Variants in CDH18 observed in about 807,000 individuals in gnomAD.
CDH18 encodes the protein cadherin 18.
Under a neutral mutation model 67.9 loss-of-function variants are expected in CDH18, and 31 were observed. The observed-to-expected ratio is 0.46, with a 90% CI of 0.34 to 0.62. The LOEUF is 0.62. CDH18 is among the 20% of genes least tolerant of loss of function. CDH18 has a pLI of 0.01. For synonymous variants in CDH18, 362 were observed against 347.2 expected (o/e 1.04, Z -0.48); for missense variants, 890 against 975.5 (o/e 0.91, Z 1.17).
At chr5:20,412,656 A>T (rs1432996436) in intron 1 of CDH18, among the ~76,000 whole-genome samples, 2 of 152,172 alleles carry the variant, frequency 1.3e-5, no homozygotes, top group Non-Finnish European at 2.9e-5. Context: ...ACAACAAAAA[A>T]TTGTATTAAA....
chr5:20,282,241 C>T (rs1746338681), intron 1 of CDH18, among the ~76,000 whole-genome samples: 1 of 152,126 alleles, frequency 6.6e-6, no homozygotes, highest in Non-Finnish European at 1.5e-5. Context: ...CCAGAACTTC[C>T]AACACTATGT....
chr5:20,360,609 T>C (rs1220257975), intron 1 of CDH18, among the ~76,000 whole-genome samples: 2 of 152,162 alleles, frequency 1.3e-5, no homozygotes, highest in African/African-American at 4.8e-5. Flanking sequence ...ATCCAAGCAA[T>C]AGCCTAAAGC....
At chr5:19,509,518 A>G (rs947259101) in intron 10 of CDH18, among the ~76,000 whole-genome samples, 1 of 152,196 alleles carries the variant, frequency 6.6e-6, no homozygotes, top group African/African-American at 2.4e-5. Context: ...TAGTATCTGC[A>G]TACATTTATT....
intron 6 of CDH18, among the ~76,000 whole-genome samples, chr5:19,610,170 G>A (rs550327886): frequency 4.6e-5 from 7 of 152,054 alleles, no homozygotes; most frequent in African/African-American, 1.7e-4. Flanking sequence ...AATGCAGCAG[G>A]ATTTACATCT....
chr5:19,968,205 T>C (rs1797656418), intron 2 of CDH18, among the ~76,000 whole-genome samples: 1 of 152,004 alleles, frequency 6.6e-6, no homozygotes, highest in Non-Finnish European at 1.5e-5. Flanking sequence ...CACAAACAAA[T>C]GGAAAAACAT....
chr5:19,481,793 C>T (rs572695081), intron 12 of CDH18, among the ~76,000 whole-genome samples: 42 of 152,152 alleles, frequency 2.8e-4, no homozygotes, highest in Non-Finnish European at 5.3e-4. Context: ...ACCTCTTTCT[C>T]AGAAAAACAG....
intron 5 of CDH18, among the ~76,000 whole-genome samples, chr5:19,698,925 T>G (rs2150463751): frequency 6.6e-6 from 1 of 152,218 alleles, no homozygotes; most frequent in African/African-American, 2.4e-5. Context: ...TAAGTATTTC[T>G]TAGGATGTTT....
intron 3 of CDH18, among the ~76,000 whole-genome samples, chr5:19,835,339 GA>G (rs1781499530): frequency 1.3e-5 from 2 of 151,966 alleles, no homozygotes; most frequent in African/African-American, 2.4e-5. Context: ...TGGACACAGA[GA>G]GGGAAAAAAC....
intron 2 of CDH18, among the ~76,000 whole-genome samples, chr5:20,077,276 C>A (rs905373753): frequency 7.9e-5 from 12 of 152,186 alleles, no homozygotes; most frequent in African/African-American, 2.9e-4. Flanking sequence ...CTTTTATAAA[C>A]CTTGGCGTAT....
intron 11 of CDH18, among the ~76,000 whole-genome samples, chr5:19,491,711 A>C (rs2126672195): frequency 6.6e-6 from 1 of 152,244 alleles, no homozygotes; most frequent in Admixed American, 6.5e-5. Context: ...CACAAGAAAA[A>C]AAGTTTTCCT....
chr5:20,425,649 G>C (rs1031764319), intron 1 of CDH18, among the ~76,000 whole-genome samples: 5 of 150,886 alleles, frequency 3.3e-5, no homozygotes, highest in African/African-American at 1.2e-4. Context: ...TGCTTTTGGT[G>C]TGTAGCAATC....
chr5:19,638,444 G>A (rs868137622), intron 5 of CDH18, among the ~76,000 whole-genome samples: 7 of 152,106 alleles, frequency 4.6e-5, no homozygotes, highest in African/African-American at 1.7e-4. Context: ...CATGTTATGT[G>A]GAAAGAAATT....
Position 19,895,049 on chromosome 5 carries a change from ATGCTCAC to A in CDH18, c.-256-55814_-256-55808del, listed in dbSNP as rs1357995427. On this transcript the variant is annotated intron_variant, in intron 2 of 12. Coordinates refer to ENST00000382275, the MANE Select transcript of CDH18 (RefSeq NM_004934.5). ...CTTTTTAATGGAACCTTGGATCTAA[ATGCTCAC>A]TTGAACACTGCTCTATGTAGTAGAT... Among the ~76,000 whole-genome samples, 4 of 152,118 alleles carry A rather than the reference ATGCTCAC, an allele frequency of 2.6e-5. No homozygotes were observed. The South Asian group carries it at 8.3e-4, about 32-fold the overall frequency.
chr5:19,813,922 A>C (rs915037906), intron 3 of CDH18, among the ~76,000 whole-genome samples: 1 of 152,018 alleles, frequency 6.6e-6, no homozygotes, highest in Non-Finnish European at 1.5e-5. Flanking sequence ...ATGTGTGTTA[A>C]GTCTATTGAG....
At chr5:19,544,735 C>T (rs1360983084) in intron 8 of CDH18, among the ~76,000 whole-genome samples, 2 of 152,068 alleles carry the variant, frequency 1.3e-5, no homozygotes, top group African/African-American at 2.4e-5. Context: ...TTCCTTGTGT[C>T]CTATGCCACT....
rs113101277 is a variant in CDH18 at position 19,668,754 on chromosome 5, G to T, written c.643+52593C>A. The stretch of plus-strand genomic sequence containing the variant: ...AGGTGACTTCAAGGTGCATTGTCAT[G>T]ATGTTCCCTGACTGGATGACATCTC... On this transcript the variant is annotated intron_variant, in intron 5 of 12. Transcript: ENST00000382275. Among the ~76,000 whole-genome samples, 541 of 152,162 alleles carry T rather than the reference G, an allele frequency of 3.6e-3. 8 individuals are homozygous for T. The highest frequency in any genetic ancestry group is 0.013 in the African/African-American group (521 of 41,532).
chr5:19,707,108 G>A (rs554483521), intron 5 of CDH18, among the ~76,000 whole-genome samples: 148 of 152,076 alleles, frequency 9.7e-4, no homozygotes, highest in Non-Finnish European at 1.4e-3. Flanking sequence ...GGGCACCATC[G>A]AGACATCTAA....
At chr5:20,509,626 G>A (rs1444601833) in intron 1 of CDH18, among the ~76,000 whole-genome samples, 1 of 152,220 alleles carries the variant, frequency 6.6e-6, no homozygotes, top group Non-Finnish European at 1.5e-5. Context: ...TCACCATGTT[G>A]GCCAGGATAG....
At chr5:20,034,478 G>A (rs1739667151) in intron 2 of CDH18, among the ~76,000 whole-genome samples, 1 of 151,994 alleles carries the variant, frequency 6.6e-6, no homozygotes, top group African/African-American at 2.4e-5. Context: ...TTATTTCTAG[G>A]TGCATCAGTA....
Sources: allele counts gnomAD v4.1 joint callset (sites outside exome capture counted in the v4.1 genomes callset), GRCh38; gene constraint gnomAD v4.1.1; transcripts MANE v1.5; gene names NCBI Gene and HGNC (gene_info 2026-07-23, HGNC 2026-07-21).